The following MYH9 variants were observed in gnomAD, a reference collection of about 807,000 sequenced individuals.
The protein encoded by MYH9 is myosin-9.
In MYH9, 29 loss-of-function variants were observed where a neutral mutation model predicts 241.9. That is an observed-to-expected ratio of 0.12 (90% confidence interval 0.09 to 0.16). The LOEUF (loss-of-function observed/expected upper bound fraction) is 0.16, where lower values mean the gene tolerates loss of function less well. MYH9 is among the 10% of genes least tolerant of loss of function. The pLI, the probability that MYH9 is intolerant of heterozygous loss-of-function variation, is 1.00. For synonymous variants in MYH9, 1,047 were observed against 1,062.6 expected, an observed-to-expected ratio of 0.99 and a Z score of 0.29; for missense variants, 1,803 against 2,595.5, an observed-to-expected ratio of 0.69 and a Z score of 6.63.
At position 36,301,624 on chromosome 22, in the gene MYH9, C is replaced by T; in HGVS notation, c.2541G>A (p.Met847Ile). ...TCACCAGCTCCTCCTCCTTGGCCAT[C>T]ATCTCCTCCTCCTGCCGGCTCACCT... ...LLQVSRQEEEMMAKEEELVKV... is the reference protein window; with the variant it reads ...LLQVSRQEEEIMAKEEELVKV... Residue 847 changes from methionine (M) to isoleucine (I), a missense_variant, in exon 21 of 41, where the codon ATG becomes ATA. Physicochemically the swap from Met to Ile is conservative, Grantham distance 10 (BLOSUM62 1). This residue lies in a region of MYH9 where 290 missense variants were observed against 360.5 expected (regional missense o/e 0.80). Coordinates refer to ENST00000216181, the MANE Select transcript of MYH9 (RefSeq NM_002473.6). 1 of 1,614,014 alleles carries T rather than the reference C, an allele frequency of 6.2e-7. No individual in the cohort carries two copies. Among genetic ancestry groups the T allele is most frequent in the Non-Finnish European group, 8.5e-7 (1 of 1,180,044 alleles).
In MYH9 at chr22:36,305,763, G is replaced by C. The variant is rs917133930; in HGVS notation, c.2159+167C>G. On this transcript the variant is annotated intron_variant, in intron 17 of 40. Coordinates refer to ENST00000216181, the MANE Select transcript of MYH9 (RefSeq NM_002473.6). The surrounding 1 kb of genome is among the most constrained non-coding windows in gnomAD (Gnocchi z 4.7). ...GGGGAAGTCTCCTTTCCTGCAAAGG[G>C]TGGAAAAGAGAAGGAGGTGGGGAAG... is the stretch of plus-strand genomic sequence containing the variant. Among the ~76,000 whole-genome samples the C allele has an allele frequency of 6.6e-6, 1 of 152,242 alleles. No homozygotes were observed. Among genetic ancestry groups the C allele is most frequent in the African/African-American group, 2.4e-5 (1 of 41,462 alleles).
intron 23 of MYH9, among the ~76,000 whole-genome samples, chr22:36,299,775 C>T (rs895084298): frequency 9.9e-5 from 15 of 152,190 alleles, no homozygotes; most frequent in Admixed American, 8.5e-4. Flanking sequence ...AAGAGTACCC[C>T]GTATCTCAAC....
In MYH9 at chr22:36,306,697, G is replaced by T; in HGVS notation, c.1844-90C>A. On this transcript the variant is annotated intron_variant, in intron 15 of 40. Transcript: ENST00000216181. The surrounding 1 kb of genome is among the most constrained non-coding windows in gnomAD (Gnocchi z 4.1). ...TAGGAGAGAGAGACAGGCACACGTCGGACAGGAAAAGAGGAGACAGAATGA... is the reference window on the plus strand; with the variant it reads ...TAGGAGAGAGAGACAGGCACACGTCTGACAGGAAAAGAGGAGACAGAATGA... 1 of 1,284,976 alleles carries T rather than the reference G, an allele frequency of 7.8e-7. No individual in the cohort carries two copies. The allele number at this position is 1,284,976 out of a possible 1,614,324, so 79.6% of individuals were successfully genotyped here.
intron 3 of MYH9, among the ~76,000 whole-genome samples, chr22:36,339,597 C>T (rs942360823): frequency 3.3e-5 from 5 of 152,178 alleles, no homozygotes; most frequent in Non-Finnish European, 7.4e-5. Flanking sequence ...CACAGCACAG[C>T]GTGGGTGGTG....
chr22:36,355,872 A>C (rs1430511586), intron 1 of MYH9, among the ~76,000 whole-genome samples: 1 of 152,166 alleles, frequency 6.6e-6, no homozygotes, highest in African/African-American at 2.4e-5. Context: ...GCAGACATTG[A>C]TAATGCCACC....
rs567739582 is a variant in MYH9, at chr22:36,328,681, C to T, written c.491-1193G>A. Among the ~76,000 whole-genome samples the T allele has an allele frequency of 5.6e-4, 86 of 152,354 alleles. 1 individual carries two copies. The highest frequency in any genetic ancestry group is 2.0e-3 in the African/African-American group (84 of 41,584). ...GCTGTCTATACCGACTTCCCCAACG[C>T]GACGTCGCCACGATGGGTGGCAGTG... On this transcript the variant is annotated intron_variant, in intron 3 of 40. Transcript: ENST00000216181.
intron 3 of MYH9, among the ~76,000 whole-genome samples, chr22:36,333,777 G>C (rs1017867447): frequency 2.6e-5 from 4 of 152,162 alleles, no homozygotes; most frequent in Non-Finnish European, 5.9e-5. Flanking sequence ...GACAAACTGG[G>C]ACACAGTTCA....
Position 36,305,963 on chromosome 22 carries a change from G to C in MYH9, c.2126C>G (p.Pro709Arg). 6.2e-7 allele frequency: 1 copy of C among 1,613,510 alleles called. No homozygotes were observed. Among genetic ancestry groups the C allele is most frequent in the Non-Finnish European group, 8.5e-7 (1 of 1,180,030 alleles). ...AAACTCCTGGAAGACCACCCTGTTG[G>C]GGAAGCCCTGGCGGCAGATACGGAT... ...EGIRICRQGF[P>R]NRVVFQEFRQ... The change falls in exon 17 of 41, where the codon CCC becomes CGC. Residue 709 changes from proline (P) to arginine (R), a missense_variant. Transcript: ENST00000216181. The surrounding 1 kb of genome is among the most constrained non-coding windows in gnomAD (Gnocchi z 4.7).
At chr22:36,322,346 G>C in intron 6 of MYH9, 83 bp downstream of exon 6, 1 of 1,439,880 alleles carries the variant, frequency 6.9e-7, no homozygotes, top group Non-Finnish European at 9.8e-7. Flanking sequence ...TTGAGGGGAG[G>C]GCACCCAGGA....
chr22:36,297,150 C>T, intron 24 of MYH9, 136 bp from the exon 25 acceptor site: 1 of 969,362 alleles, frequency 1.0e-6, no homozygotes, highest in Non-Finnish European at 1.6e-6. Context: ...CAGACACTCG[C>T]ACCCAACTCC....
chr22:36,327,822 G>A (rs929710621), intron 3 of MYH9, among the ~76,000 whole-genome samples: 2 of 152,210 alleles, frequency 1.3e-5, no homozygotes, highest in East Asian at 3.8e-4. Flanking sequence ...AGCTGAGTGG[G>A]ACCTGCCCTG....
At chr22:36,303,594 G>A (rs1184992925) in intron 19 of MYH9, among the ~76,000 whole-genome samples, 4 of 151,862 alleles carry the variant, frequency 2.6e-5, no homozygotes, top group Admixed American at 6.6e-5. Context: ...ACCAGCCTGG[G>A]CAACAATGAC....
intron 34 of MYH9, among the ~76,000 whole-genome samples, chr22:36,287,506 G>A (rs1171572362): frequency 2.0e-5 from 3 of 152,084 alleles, no homozygotes; most frequent in African/African-American, 7.2e-5. Flanking sequence ...CACTTTGGGA[G>A]GCCGAGGCGG....
At chr22:36,323,753 C>A (rs553332502) in intron 5 of MYH9, among the ~76,000 whole-genome samples, 187 of 152,180 alleles carry the variant, frequency 1.2e-3, no homozygotes, top group African/African-American at 4.4e-3. Flanking sequence ...TAGGCCAGGA[C>A]CCCCCAACCC....
chr22:36,304,839 A>T (rs899656212), intron 18 of MYH9, among the ~76,000 whole-genome samples, 194 bp downstream of exon 18: 2 of 152,248 alleles, frequency 1.3e-5, no homozygotes, highest in Non-Finnish European at 2.9e-5. Flanking sequence ...CTGGTGCCAA[A>T]CACCATCCCT....
intron 15 of MYH9, among the ~76,000 whole-genome samples, 181 bp downstream of exon 15, chr22:36,309,101 G>A (rs2017018812): frequency 6.6e-6 from 1 of 152,210 alleles, no homozygotes; most frequent in South Asian, 2.1e-4. Flanking sequence ...CGCAAGGGCA[G>A]TGGCCTCCTG....
intron 1 of MYH9, among the ~76,000 whole-genome samples, chr22:36,383,351 G>A (rs1206554138): frequency 1.3e-5 from 2 of 152,162 alleles, no homozygotes; most frequent in Non-Finnish European, 2.9e-5. Flanking sequence ...CAGACCACAG[G>A]AAACCATGTG....
At chr22:36,316,370 AACC>A in intron 12 of MYH9, 144 bp downstream of exon 12, 1 of 1,120,018 alleles carries the variant, frequency 8.9e-7, no homozygotes, top group Non-Finnish European at 1.3e-6. Context: ...AAAAAAAAAC[AACC>A]CCACACCCAA....
chr22:36,302,721 A>T (rs1279837827), intron 19 of MYH9, 45 bp from the exon 20 acceptor site: 12 of 1,526,374 alleles, frequency 7.9e-6, no homozygotes, highest in Non-Finnish European at 1.0e-5. Context: ...TGGACAGCAG[A>T]CCCGACCTAA....
Sources: gnomAD v4.1 joint callset for allele counts (sites outside exome capture counted in the v4.1 genomes callset) on GRCh38, gnomAD v4.1.1 for gene constraint, gnomAD v4.1.1 regional missense constraint, Gnocchi (gnomAD v3.1) non-coding constraint, MANE v1.5 for transcripts, NCBI Gene and HGNC (gene_info 2026-07-23, HGNC 2026-07-21) for gene names.